Variants in RPH3A observed in about 807,000 individuals in gnomAD.
RPH3A encodes rabphilin 3A.
In RPH3A, 48 loss-of-function variants were observed where a neutral mutation model predicts 102.2. The observed-to-expected ratio is 0.47, with a 90% CI of 0.37 to 0.60. RPH3A has a LOEUF of 0.60. Among genes scored for constraint, RPH3A ranks in the 20% least tolerant of loss-of-function variants. The probability of loss-of-function intolerance (pLI) is 0.00; values close to 1 mark genes in which losing one functional copy is unlikely to be tolerated. For synonymous variants in RPH3A, 310 were observed against 324.3 expected (o/e 0.96, Z 0.47); for missense variants, 781 against 910.1 (o/e 0.86, Z 1.83).
chr12:112,830,313 A>C (rs1031772418), intron 3 of RPH3A, among the ~76,000 whole-genome samples: 2 of 152,094 alleles, frequency 1.3e-5, no homozygotes, highest in Non-Finnish European at 2.9e-5. Context: ...TATATTTAAA[A>C]ATTTCTAGAT....
chr12:112,860,764 C>T (rs1463517819), intron 5 of RPH3A, among the ~76,000 whole-genome samples: 1 of 152,204 alleles, frequency 6.6e-6, no homozygotes, highest in African/African-American at 2.4e-5. Flanking sequence ...CCCACTCTCT[C>T]TGTGTTCTGA....
intron 1 of RPH3A, among the ~76,000 whole-genome samples, chr12:112,706,887 A>G (rs1373494662): frequency 1.3e-5 from 2 of 152,090 alleles, no homozygotes; most frequent in South Asian, 2.1e-4. Context: ...TGAGCACACA[A>G]CTTACAGAGG....
Position 112,828,316 on chromosome 12 carries a change from A to G in RPH3A, c.-3A>G, listed in dbSNP as rs1319245093. ...TGTTTTCCAGGAGCACTAGACATCT[A>G]CTATGACTGACACCGTGTTCAGCAA... On this transcript the variant is annotated 5_prime_UTR_variant, in exon 3 of 22. Coordinates refer to ENST00000389385, the MANE Select transcript of RPH3A (RefSeq NM_001143854.2). The G allele has an allele frequency of 6.2e-7, 1 of 1,611,390 alleles. No individual in the cohort carries two copies. Among genetic ancestry groups the G allele is most frequent in the Non-Finnish European group, 8.5e-7 (1 of 1,178,558 alleles).
In RPH3A at chr12:112,621,826, G is replaced by T. The variant is rs1190904157; in HGVS notation, c.-140+46507G>T. Among the ~76,000 whole-genome samples, 2 of 151,664 alleles carry T rather than the reference G, an allele frequency of 1.3e-5. 1 individual carries two copies. Among genetic ancestry groups the T allele is most frequent in the Non-Finnish European group, 2.9e-5 (2 of 67,910 alleles). Reference sequence around the variant, plus strand: ...TGTCCCTGTCTGACAGCTTTGAAGAGAGCAGTGGTTCTCCCAGCATGCAGC... The same window carrying T: ...TGTCCCTGTCTGACAGCTTTGAAGATAGCAGTGGTTCTCCCAGCATGCAGC... On this transcript the variant is annotated intron_variant, in intron 1 of 21. Transcript: ENST00000543106.
Position 112,861,500 on chromosome 12 carries a change from G to T in RPH3A, c.231-3914G>T, listed in dbSNP as rs190357218. Among the ~76,000 whole-genome samples the T allele has an allele frequency of 1.2e-3, 185 of 152,292 alleles. 1 individual carries two copies. Among genetic ancestry groups the T allele is most frequent in the Non-Finnish European group, 1.8e-3 (125 of 68,018 alleles). On this transcript the variant is annotated intron_variant, in intron 5 of 21. Coordinates refer to ENST00000389385, the MANE Select transcript of RPH3A (RefSeq NM_001143854.2). ...GGTTGGCCTGTTCAAGGCGATCCCC[G>T]TGGCTGTACATGGCACGTGGCTGTG... is the stretch of plus-strand genomic sequence containing the variant.
intron 1 of RPH3A, among the ~76,000 whole-genome samples, chr12:112,758,364 C>A (rs1008280740): frequency 6.6e-6 from 1 of 152,186 alleles, no homozygotes; most frequent in Non-Finnish European, 1.5e-5. Flanking sequence ...TTTGCCTGGG[C>A]TCTATTTTCT....
intron 19 of RPH3A, 21 bp from the exon 20 acceptor site, chr12:112,894,557 G>A: frequency 1.2e-6 from 2 of 1,611,652 alleles, no homozygotes; most frequent in Non-Finnish European, 1.7e-6. Flanking sequence ...ATCCATAATA[G>A]CATGTTGTGT....
chr12:112,686,073 T>A (rs1414977155), intron 1 of RPH3A, among the ~76,000 whole-genome samples: 1 of 152,218 alleles, frequency 6.6e-6, no homozygotes. Flanking sequence ...TCCAGGACTA[T>A]GTCTTATTCC....
chr12:112,719,391 C>T (rs958084691), intron 1 of RPH3A, among the ~76,000 whole-genome samples: 4 of 152,128 alleles, frequency 2.6e-5, no homozygotes, highest in African/African-American at 9.7e-5. Context: ...CCTCAGTTAT[C>T]CCATCTGAGA....
At chr12:112,620,240 C>T (rs575436220) in intron 1 of RPH3A, among the ~76,000 whole-genome samples, 24 of 152,316 alleles carry the variant, frequency 1.6e-4, no homozygotes, top group African/African-American at 5.5e-4. Flanking sequence ...AACATGTTTT[C>T]ATGGTGCTCT....
At chr12:112,641,059 G>A (rs1290493664) in intron 1 of RPH3A, among the ~76,000 whole-genome samples, 1 of 152,172 alleles carries the variant, frequency 6.6e-6, no homozygotes, top group Non-Finnish European at 1.5e-5. Flanking sequence ...GTGTGTTTCT[G>A]TTTTCTGTGC....
At chr12:112,578,693 C>T (rs1024012396) in intron 1 of RPH3A, among the ~76,000 whole-genome samples, 3 of 152,156 alleles carry the variant, frequency 2.0e-5, no homozygotes, top group Non-Finnish European at 4.4e-5. Flanking sequence ...ACATTTTAGT[C>T]TGAACTAGCC....
intron 1 of RPH3A, among the ~76,000 whole-genome samples, chr12:112,711,095 C>T (rs369671934): frequency 2.0e-5 from 3 of 152,228 alleles, no homozygotes; most frequent in South Asian, 4.2e-4. Flanking sequence ...TTAGGGTAGC[C>T]GGATCCTCCT....
At chr12:112,861,809 C>T (rs867878963) in intron 5 of RPH3A, among the ~76,000 whole-genome samples, 5 of 152,016 alleles carry the variant, frequency 3.3e-5, no homozygotes, top group Non-Finnish European at 7.4e-5. Flanking sequence ...GTCAGGAGAT[C>T]GAGACCATCC....
intron 1 of RPH3A, among the ~76,000 whole-genome samples, chr12:112,619,252 G>C (rs1225429818): frequency 9.4e-6 from 1 of 106,334 alleles, no homozygotes; most frequent in Non-Finnish European, 1.8e-5. Context: ...AATTCTGTGT[G>C]TGTGTGTGTG....
intron 4 of RPH3A, among the ~76,000 whole-genome samples, chr12:112,842,511 A>G (rs2042162980): frequency 6.6e-6 from 1 of 152,086 alleles, no homozygotes; most frequent in Non-Finnish European, 1.5e-5. Context: ...GAGCTATATG[A>G]CCCCAAAGCC....
chr12:112,879,267 A>C, intron 14 of RPH3A, 69 bp downstream of exon 14: 1 of 1,294,758 alleles, frequency 7.7e-7, no homozygotes, highest in Admixed American at 1.8e-5. Context: ...TCAGATGGGG[A>C]TGGATGACCA....
At chr12:112,773,313 A>G (rs1025778129) in intron 1 of RPH3A, among the ~76,000 whole-genome samples, 5 of 152,130 alleles carry the variant, frequency 3.3e-5, no homozygotes, top group African/African-American at 1.2e-4. Context: ...AAAGAGAAAG[A>G]GAAGTAAAAC....
At chr12:112,887,703 C>T (rs923955363) in intron 16 of RPH3A, 94 bp from the exon 17 acceptor site, 7 of 1,316,080 alleles carry the variant, frequency 5.3e-6, no homozygotes, top group Non-Finnish European at 7.4e-6. Flanking sequence ...ATACATTACA[C>T]ATTCCTTACC....
Sources: gnomAD v4.1 joint callset for allele counts (sites outside exome capture counted in the v4.1 genomes callset) on GRCh38, gnomAD v4.1.1 for gene constraint, MANE v1.5 for transcripts, NCBI Gene and HGNC (gene_info 2026-07-23, HGNC 2026-07-21) for gene names.